Variants in GLIS3 observed in about 807,000 individuals in gnomAD.
The protein encoded by GLIS3 is GLIS family zinc finger 3, also known as zinc finger protein GLIS3.
A neutral mutation model predicts 78.6 loss-of-function variants in GLIS3; 53 were observed. The ratio of observed to expected loss-of-function variants is 0.67; its 90% CI spans 0.54 to 0.85. The LOEUF is 0.85. Among genes scored for constraint, GLIS3 ranks in the 40% least tolerant of loss-of-function variants. GLIS3 has a pLI of 0.00. For missense variants in GLIS3, 1,703 were observed against 1,231.1 expected, an observed-to-expected ratio of 1.38 and a Z score of -5.74; for synonymous variants, 684 against 509.9, an observed-to-expected ratio of 1.34 and a Z score of -4.60.
intron 2 of GLIS3, among the ~76,000 whole-genome samples, chr9:4,189,344 T>C (rs1003610050): frequency 2.6e-4 from 39 of 152,372 alleles, no homozygotes; most frequent in African/African-American, 8.9e-4. Context: ...CTAGTTTGAT[T>C]GCACTGTGGT....
At chr9:4,439,003 T>C in the GLIS3 span, among the ~76,000 whole-genome samples, 1 of 152,202 alleles carries the variant, frequency 6.6e-6, no homozygotes, top group African/African-American at 2.4e-5. Flanking sequence ...CTTTTAAGAA[T>C]CACAGACATG....
chr9:3,937,006 G>A (rs1825935040), intron 5 of GLIS3, 22 bp downstream of exon 5: 2 of 1,612,106 alleles, frequency 1.2e-6, no homozygotes, highest in South Asian at 2.2e-5. Context: ...GTTGGAAACT[G>A]GAAAGCTCCT....
At chr9:4,163,670 T>C (rs1586850552) in intron 2 of GLIS3, among the ~76,000 whole-genome samples, 1 of 152,216 alleles carries the variant, frequency 6.6e-6, no homozygotes, top group African/African-American at 2.4e-5. Context: ...ATTGAGTAGC[T>C]ACACTTCAGT....
chr9:3,893,478 TAATC>T (rs1384234753), intron 7 of GLIS3, among the ~76,000 whole-genome samples: 14 of 152,310 alleles, frequency 9.2e-5, no homozygotes, highest in Non-Finnish European at 1.8e-4. Context: ...ATCTCATTCT[TAATC>T]AAAATATGAG....
At chr9:4,384,482 C>G in the GLIS3 span, among the ~76,000 whole-genome samples, 1 of 151,296 alleles carries the variant, frequency 6.6e-6, no homozygotes, top group Admixed American at 6.6e-5. Context: ...GTTTCTTTTT[C>G]TCTTTCTTTC....
chr9:4,286,193 C>A lies in GLIS3; in HGVS notation c.233G>T (p.Arg78Leu), dbSNP rs200195201. ...GGGGCTTAAGGCAGGCAGATGGATGCGGCTCTCAGCCACGTTGTTCTGAGG... is the reference window on the plus strand; with the variant it reads ...GGGGCTTAAGGCAGGCAGATGGATGAGGCTCTCAGCCACGTTGTTCTGAGG... ...MAPQNNVAES[R>L]IHLPALSPRR... Residue 78 changes from arginine (R) to leucine (L), a missense_variant, in exon 2 of 11, where the codon CGC becomes CTC. Arg to Leu is a moderately radical substitution (Grantham distance 102). Transcript: ENST00000381971. 3 of 1,614,100 alleles carry A rather than the reference C, an allele frequency of 1.9e-6. No homozygotes were observed. The highest frequency in any genetic ancestry group is 2.5e-6 in the Non-Finnish European group (3 of 1,180,044).
chr9:4,453,665 G>A, the GLIS3 span, among the ~76,000 whole-genome samples: 6 of 152,172 alleles, frequency 3.9e-5, no homozygotes, highest in Non-Finnish European at 7.3e-5. Flanking sequence ...ATACTATGCA[G>A]CCATAAACAA....
chr9:4,433,279 A>C, the GLIS3 span, among the ~76,000 whole-genome samples: 1 of 152,080 alleles, frequency 6.6e-6, no homozygotes, highest in East Asian at 1.9e-4. Flanking sequence ...TAAAAATACA[A>C]AGATTAGCTG....
At chr9:4,361,566 CT>C in the GLIS3 span, among the ~76,000 whole-genome samples, 1 of 152,216 alleles carries the variant, frequency 6.6e-6, no homozygotes, top group Non-Finnish European at 1.5e-5. Context: ...TTAACCACTT[CT>C]CTCTGTTACT....
rs531921242 is a variant in GLIS3, at chr9:3,991,089, T to A, written c.1711-53900A>T. Among the ~76,000 whole-genome samples, 5 of 152,298 alleles carry A rather than the reference T, an allele frequency of 3.3e-5. No homozygotes were observed. The East Asian group carries it at 9.6e-4, about 29-fold the overall frequency. The stretch of plus-strand genomic sequence containing the variant: ...CTCAAGCAAAAGGTTTCTCTGAGAA[T>A]AGCAGCAGAAACACCCAGCTCCTGC... On this transcript the variant is annotated intron_variant, in intron 4 of 10. Transcript: ENST00000381971.
the GLIS3 span, among the ~76,000 whole-genome samples, chr9:4,441,073 G>C: frequency 6.6e-6 from 1 of 151,976 alleles, no homozygotes; most frequent in Non-Finnish European, 1.5e-5. Flanking sequence ...AGGGTTTTCT[G>C]TATGTAAGAT....
At chr9:4,455,253 G>C in the GLIS3 span, among the ~76,000 whole-genome samples, 1 of 152,350 alleles carries the variant, frequency 6.6e-6, no homozygotes, top group African/African-American at 2.4e-5. Context: ...GCTAGCATGA[G>C]ATTGCCTTCC....
chr9:3,869,236 C>T (rs2130370695), intron 8 of GLIS3, among the ~76,000 whole-genome samples: 1 of 140,634 alleles, frequency 7.1e-6, no homozygotes, highest in South Asian at 2.3e-4. Context: ...ACATATACTA[C>T]ATTAAAGAGA....
chr9:3,889,464 G>A (rs1834284182), intron 7 of GLIS3, among the ~76,000 whole-genome samples: 1 of 152,140 alleles, frequency 6.6e-6, no homozygotes, highest in African/African-American at 2.4e-5. Context: ...AAAACCCATG[G>A]ACTAGAAGAC....
Position 4,041,473 on chromosome 9 carries a change from A to G in GLIS3, c.1710+76295T>C, listed in dbSNP as rs561180920. On this transcript the variant is annotated intron_variant, in intron 4 of 10. Coordinates refer to ENST00000381971, the MANE Select transcript of GLIS3 (RefSeq NM_001042413.2). The stretch of plus-strand genomic sequence containing the variant: ...ACTTGGTGGAAAAAAGCTTGGGTCA[A>G]CTTCATGGGCACCACCATTGAGACT... 9.9e-5 allele frequency among the ~76,000 whole-genome samples: 15 copies of G among 152,240 alleles called. No homozygotes were observed. In the East Asian group the frequency reaches 2.9e-3, roughly 29 times the overall value.
At chr9:3,994,812 C>T (rs1301351390) in intron 4 of GLIS3, among the ~76,000 whole-genome samples, 1 of 152,166 alleles carries the variant, frequency 6.6e-6, no homozygotes, top group Non-Finnish European at 1.5e-5. Context: ...TGCAGCACAT[C>T]TAAAAATGGC....
intron 6 of GLIS3, among the ~76,000 whole-genome samples, chr9:3,916,564 T>A (rs1588219335): frequency 6.6e-6 from 1 of 152,258 alleles, no homozygotes; most frequent in East Asian, 1.9e-4. Flanking sequence ...TTACTAATCC[T>A]CTTTTGCCAA....
intron 2 of GLIS3, among the ~76,000 whole-genome samples, chr9:4,342,955 AC>A (rs1446064761): frequency 6.6e-6 from 1 of 152,154 alleles, no homozygotes; most frequent in Non-Finnish European, 1.5e-5. Flanking sequence ...GTATCCTCAA[AC>A]TTTGCTGAAG....
chr9:4,469,449 G>A, the GLIS3 span, among the ~76,000 whole-genome samples: 1 of 152,178 alleles, frequency 6.6e-6, no homozygotes, highest in Non-Finnish European at 1.5e-5. Flanking sequence ...TCAGACCACA[G>A]TGCAATCAAA....
Sources: gnomAD v4.1 joint callset for allele counts (sites outside exome capture counted in the v4.1 genomes callset) on GRCh38, gnomAD v4.1.1 for gene constraint, MANE v1.5 for transcripts, NCBI Gene and HGNC (gene_info 2026-07-23, HGNC 2026-07-21) for gene names.